PILRA: variants seen among roughly 807,000 people sequenced by gnomAD.
PILRA encodes the protein paired immunoglobulin-like type 2 receptor alpha.
PILRA carries 37 observed loss-of-function variants against 33.1 expected under a neutral mutation model. The observed-to-expected ratio is 1.12, with a 90% CI of 0.86 to 1.47. The LOEUF is 1.47. Among genes scored for constraint, PILRA ranks in the 40% most tolerant of loss-of-function variants. The pLI is 0.00. For synonymous variants in PILRA, 146 were observed against 149.9 expected, an observed-to-expected ratio of 0.97 and a Z score of 0.19; for missense variants, 312 against 376.2, an observed-to-expected ratio of 0.83 and a Z score of 1.41.
At chr7:100,393,417 G>A (rs375335474) in intron 3 of PILRA, among the ~76,000 whole-genome samples, 8 of 152,252 alleles carry the variant, frequency 5.3e-5, no homozygotes, top group African/African-American at 1.4e-4. Flanking sequence ...TAGTCACTGA[G>A]GAAATGGGAA....
intron 3 of PILRA, among the ~76,000 whole-genome samples, chr7:100,395,144 G>A (rs1791469481): frequency 2.0e-5 from 3 of 152,128 alleles, no homozygotes; most frequent in African/African-American, 7.2e-5. Flanking sequence ...ATTTAAAAGT[G>A]GGCAGTGGAT....
intron 2 of PILRA, among the ~76,000 whole-genome samples, chr7:100,388,697 G>A (rs914559428): frequency 1.4e-5 from 2 of 147,384 alleles, no homozygotes; most frequent in Admixed American, 1.4e-4. Context: ...AGTGAGCCGA[G>A]GCTGCACCAC....
Position 100,399,583 on chromosome 7 carries a change from CA to C in PILRA, c.764del (p.Asn255IlefsTer6), listed in dbSNP as rs767903655. 6.2e-7 allele frequency: 1 copy of C among 1,614,074 alleles called. No individual in the cohort carries two copies. Among genetic ancestry groups the C allele is most frequent in the Non-Finnish European group, 8.5e-7 (1 of 1,180,010 alleles). ...EPYENIRNEG[Q>X]NTDPKLNPKD... ...CACACCTTGCTTTTTATTCTTAGGA[CA>C]AAATACAGATCCCAAGCTAAATCCC... On this transcript the variant is annotated frameshift_variant, in exon 6 of 7. Coordinates refer to ENST00000198536, the MANE Select transcript of PILRA (RefSeq NM_013439.3). LOFTEE classifies it low-confidence loss of function (END_TRUNC).
intron 2 of PILRA, among the ~76,000 whole-genome samples, chr7:100,381,572 G>A (rs1207845816): frequency 6.6e-6 from 1 of 152,236 alleles, no homozygotes; most frequent in African/African-American, 2.4e-5. Context: ...GTGACAGCGT[G>A]CTGTCAGCCC....
intron 2 of PILRA, among the ~76,000 whole-genome samples, chr7:100,386,434 T>C (rs188877937): frequency 6.6e-6 from 1 of 151,968 alleles, no homozygotes; most frequent in African/African-American, 2.4e-5. Context: ...AAGCAGGGAG[T>C]TGGAGGTTGC....
intron 2 of PILRA, among the ~76,000 whole-genome samples, chr7:100,384,287 G>A (rs190617312): frequency 1.8e-4 from 28 of 151,716 alleles, no homozygotes; most frequent in African/African-American, 5.8e-4. Flanking sequence ...CGTTTGAGTC[G>A]TTACTAGACA....
chr7:100,381,305 G>T (rs533674824), intron 2 of PILRA, among the ~76,000 whole-genome samples: 1 of 152,012 alleles, frequency 6.6e-6, no homozygotes, highest in Admixed American at 6.5e-5. Context: ...AACTAGCTGG[G>T]TATAGTGGCA....
intron 2 of PILRA, among the ~76,000 whole-genome samples, chr7:100,376,992 G>A (rs1790964354): frequency 6.6e-6 from 1 of 151,400 alleles, no homozygotes; most frequent in Non-Finnish European, 1.5e-5. Context: ...TCAAACTCCT[G>A]AGCTCAAGTG....
At chr7:100,393,833 T>C (rs1791438592) in intron 3 of PILRA, among the ~76,000 whole-genome samples, 1 of 151,718 alleles carries the variant, frequency 6.6e-6, no homozygotes, top group Admixed American at 6.6e-5. Flanking sequence ...AAAAAAAAAA[T>C]ACTATGCCTC....
intron 3 of PILRA, among the ~76,000 whole-genome samples, chr7:100,391,755 T>C (rs1421555420): frequency 1.3e-5 from 2 of 152,198 alleles, no homozygotes; most frequent in Admixed American, 6.5e-5. Context: ...AGCCCCTGTT[T>C]CCACTTGAGT....
At chr7:100,380,119 C>T (rs2130176327) in intron 2 of PILRA, among the ~76,000 whole-genome samples, 1 of 152,252 alleles carries the variant, frequency 6.6e-6, no homozygotes, top group Non-Finnish European at 1.5e-5. Context: ...AATAGATGAA[C>T]CAGAGGGCCT....
At chr7:100,384,073 T>C (rs1384720119) in intron 2 of PILRA, among the ~76,000 whole-genome samples, 2 of 151,436 alleles carry the variant, frequency 1.3e-5, no homozygotes, top group Admixed American at 6.6e-5. Context: ...GAGGTGAGAG[T>C]TGGCTGATAC....
At chr7:100,374,563 A>G (rs1165671324) in intron 2 of PILRA, 130 bp downstream of exon 2, 1 of 1,051,476 alleles carries the variant, frequency 9.5e-7, no homozygotes, top group Non-Finnish European at 1.4e-6. Context: ...TTGGCCCCTA[A>G]CACTTCCTCA....
At position 100,374,095 on chromosome 7, in the gene PILRA, A is replaced by G. The variant is rs1279151506; in HGVS notation, c.116A>G (p.Lys39Arg). The G allele has an allele frequency of 6.2e-7, 1 of 1,613,924 alleles. No homozygotes were observed. Among genetic ancestry groups the G allele is most frequent in the African/African-American group, 1.3e-5 (1 of 74,862 alleles). The change falls in exon 2 of 7, where the codon AAA becomes AGA. Residue 39 changes from lysine to arginine, a missense_variant. Lys to Arg is a conservative substitution (Grantham distance 26). Transcript: ENST00000198536. ...PSYLYGVTQPKHLSASMGGSV... is the reference protein window; with the variant it reads ...PSYLYGVTQPRHLSASMGGSV... ...TACCTTTATGGGGTCACTCAACCAAAACACCTCTCAGCCTCCATGGGTGGC... is the reference window on the plus strand; with the variant it reads ...TACCTTTATGGGGTCACTCAACCAAGACACCTCTCAGCCTCCATGGGTGGC...
intron 4 of PILRA, among the ~76,000 whole-genome samples, chr7:100,398,781 G>A (rs765644052): frequency 1.3e-5 from 2 of 152,000 alleles, no homozygotes; most frequent in African/African-American, 2.4e-5. Flanking sequence ...ACTGAGCACC[G>A]AGGGACCTCT....
intron 3 of PILRA, among the ~76,000 whole-genome samples, chr7:100,396,528 T>G (rs1192268933): frequency 6.6e-6 from 1 of 152,112 alleles, no homozygotes; most frequent in East Asian, 1.9e-4. Flanking sequence ...GATGGGCGTC[T>G]GTAATCTCAG....
upstream of PILRA, among the ~76,000 whole-genome samples, chr7:100,372,555 G>A (rs1286974785): frequency 5.3e-5 from 8 of 152,212 alleles, no homozygotes; most frequent in Admixed American, 4.6e-4. Flanking sequence ...GACCACCCCC[G>A]GGCAAAGGCC....
chr7:100,390,443 C>T (rs1276528221), intron 3 of PILRA, among the ~76,000 whole-genome samples: 1 of 152,128 alleles, frequency 6.6e-6, no homozygotes, highest in Non-Finnish European at 1.5e-5. Flanking sequence ...GCAGAAGGGA[C>T]CAGAAGTAAG....
intron 2 of PILRA, among the ~76,000 whole-genome samples, chr7:100,384,277 C>T (rs1198240771): frequency 2.0e-5 from 3 of 151,694 alleles, no homozygotes; most frequent in Admixed American, 6.6e-5. Flanking sequence ...GGACATCTTA[C>T]GTTTGAGTCG....
Sources: gnomAD v4.1 joint callset for allele counts (sites outside exome capture counted in the v4.1 genomes callset) on GRCh38, gnomAD v4.1.1 for gene constraint, MANE v1.5 for transcripts, NCBI Gene and HGNC (gene_info 2026-07-23, HGNC 2026-07-21) for gene names.